Variants in CAMTA1 observed in about 807,000 individuals in gnomAD.
The protein encoded by CAMTA1 is calmodulin-binding transcription activator 1.
A neutral mutation model predicts 170.9 loss-of-function variants in CAMTA1; 27 were observed. The ratio of observed to expected loss-of-function variants is 0.16; its 90% CI spans 0.12 to 0.22. The LOEUF is 0.22. Among genes scored for constraint, CAMTA1 ranks in the 10% least tolerant of loss-of-function variants. CAMTA1 has a pLI of 1.00. For missense variants in CAMTA1, 1,619 were observed against 2,217.2 expected, an observed-to-expected ratio of 0.73 and a Z score of 5.42; for synonymous variants, 833 against 891.5, an observed-to-expected ratio of 0.93 and a Z score of 1.17.
At chr1:7,502,717 A>C (rs945166336) in intron 6 of CAMTA1, among the ~76,000 whole-genome samples, 1 of 152,208 alleles carries the variant, frequency 6.6e-6, no homozygotes, top group Non-Finnish European at 1.5e-5. Context: ...GACACTGAGC[A>C]CTGGAGGGGG....
chr1:7,690,132 CAGCCTAGGCAACAAG>C (rs60788107), intron 11 of CAMTA1, among the ~76,000 whole-genome samples: 2,318 of 152,340 alleles, frequency 0.015, 51 homozygotes, highest in African/African-American at 0.053. Context: ...CACTGCACTC[CAGCCTAGGCAACAAG>C]AGCGAAACTC....
At chr1:7,223,727 T>C (rs1661217595) in intron 4 of CAMTA1, among the ~76,000 whole-genome samples, 1 of 152,232 alleles carries the variant, frequency 6.6e-6, no homozygotes, top group South Asian at 2.1e-4. Flanking sequence ...GCCAGGCTTA[T>C]ATTTGCTAAG....
chr1:7,103,767 CACA>C (rs1379160060), intron 4 of CAMTA1, among the ~76,000 whole-genome samples: 2 of 151,710 alleles, frequency 1.3e-5, no homozygotes, highest in East Asian at 3.9e-4. Context: ...CACATGCACA[CACA>C]ACACACATAA....
intron 3 of CAMTA1, among the ~76,000 whole-genome samples, chr1:6,967,439 T>C (rs1254613527): frequency 6.6e-6 from 1 of 152,148 alleles, no homozygotes; most frequent in African/African-American, 2.4e-5. Context: ...CACCCGCGAA[T>C]GTGGCCTCAG....
At chr1:7,700,899 G>C (rs1204370580) in intron 11 of CAMTA1, 1 of 152,226 alleles carries the variant, frequency 6.6e-6, no homozygotes. Context: ...GAAATCAGTT[G>C]ATGTGGACTT....
intron 6 of CAMTA1, among the ~76,000 whole-genome samples, chr1:7,624,535 T>A (rs1472202509): frequency 6.6e-6 from 1 of 152,058 alleles, no homozygotes; most frequent in Non-Finnish European, 1.5e-5. Context: ...TCTGCCTTGG[T>A]GAAGGTGGAA....
At chr1:7,043,459 G>A (rs1704813900) in intron 3 of CAMTA1, among the ~76,000 whole-genome samples, 1 of 152,202 alleles carries the variant, frequency 6.6e-6, no homozygotes, top group Non-Finnish European at 1.5e-5. Context: ...AAAAGGAGAT[G>A]GTGCATGATG....
intron 1 of CAMTA1, among the ~76,000 whole-genome samples, chr1:6,801,967 G>GAT (rs1297773156): frequency 1.2e-4 from 18 of 152,188 alleles, no homozygotes. Flanking sequence ...TAAACACTAG[G>GAT]AAACAGATGG....
At chr1:6,993,257 G>A (rs1416111591) in intron 3 of CAMTA1, among the ~76,000 whole-genome samples, 1 of 152,030 alleles carries the variant, frequency 6.6e-6, no homozygotes, top group Non-Finnish European at 1.5e-5. Flanking sequence ...AAAACCTGCA[G>A]GTATTTTCAT....
At position 7,020,082 on chromosome 1, in the gene CAMTA1, A is replaced by G. The variant is rs534321049; in HGVS notation, c.235-71222A>G. Among the ~76,000 whole-genome samples, 575 of 152,374 alleles carry G rather than the reference A, an allele frequency of 3.8e-3. 1 individual carries two copies. Among genetic ancestry groups the G allele is most frequent in the Non-Finnish European group, 6.4e-3 (435 of 68,044 alleles). On this transcript the variant is annotated intron_variant, in intron 3 of 22. Coordinates refer to ENST00000303635, the MANE Select transcript of CAMTA1 (RefSeq NM_015215.4). Reference sequence around the variant, plus strand: ...TTCTCCAGGAGGGCCGTGATGGCACATTTGTGTCAATATTACCTGCAGAAG... The same window carrying G: ...TTCTCCAGGAGGGCCGTGATGGCACGTTTGTGTCAATATTACCTGCAGAAG...
intron 4 of CAMTA1, among the ~76,000 whole-genome samples, chr1:7,097,283 A>G (rs567282832): frequency 4.5e-4 from 69 of 152,344 alleles, no homozygotes; most frequent in African/African-American, 1.6e-3. Context: ...CAGGGAGGCC[A>G]GGGCTTTGAT....
intron 3 of CAMTA1, among the ~76,000 whole-genome samples, chr1:6,902,077 A>AAAAAAAAAAAT (rs1385758257): frequency 4.4e-4 from 31 of 70,910 alleles, no homozygotes; most frequent in African/African-American, 1.0e-3. Flanking sequence ...ACACACAAAA[A>AAAAAAAAAAAT]AAAAAATAAA....
intron 6 of CAMTA1, among the ~76,000 whole-genome samples, chr1:7,514,983 C>T (rs1008632560): frequency 6.6e-6 from 1 of 151,690 alleles, no homozygotes; most frequent in Admixed American, 6.6e-5. Flanking sequence ...TCCCTCCACC[C>T]AGGATCATCA....
intron 1 of CAMTA1, among the ~76,000 whole-genome samples, chr1:6,801,462 C>T (rs188100055): frequency 4.1e-4 from 63 of 152,194 alleles, no homozygotes; most frequent in Admixed American, 2.6e-3. Flanking sequence ...TGCCACAGTC[C>T]TGCCACTGAT....
At chr1:7,750,267 GA>G (rs1417151657) in intron 19 of CAMTA1, among the ~76,000 whole-genome samples, 2 of 152,228 alleles carry the variant, frequency 1.3e-5, no homozygotes, top group Admixed American at 1.3e-4. Context: ...ACAATTCTGA[GA>G]AGTCAGTTTC....
chr1:7,378,251 C>T (rs189054224), intron 5 of CAMTA1, among the ~76,000 whole-genome samples: 2 of 152,294 alleles, frequency 1.3e-5, no homozygotes, highest in East Asian at 1.9e-4. Context: ...AGAAGCCTGA[C>T]GGCCTTGTAT....
chr1:7,284,177 C>CTTCTTCTTCTTCTTCTTA (rs1333698169), intron 5 of CAMTA1, among the ~76,000 whole-genome samples: 6 of 99,314 alleles, frequency 6.0e-5, no homozygotes, highest in South Asian at 3.7e-4. Flanking sequence ...TCTTCTTCTT[C>CTTCTTCTTCTTCTTCTTA]TTATTATTAT....
chr1:7,085,064 A>G (rs576731432), intron 3 of CAMTA1, among the ~76,000 whole-genome samples: 1 of 152,356 alleles, frequency 6.6e-6, no homozygotes, highest in East Asian at 1.9e-4. Context: ...TACATGTGCC[A>G]TGGTGGCTTG....
intron 3 of CAMTA1, among the ~76,000 whole-genome samples, chr1:6,957,738 G>T (rs1437688094): frequency 6.6e-6 from 1 of 151,182 alleles, no homozygotes; most frequent in African/African-American, 2.5e-5. Context: ...CACATCTACA[G>T]TCTTAATTCC....
Sources: gnomAD v4.1 joint callset for allele counts (sites outside exome capture counted in the v4.1 genomes callset) on GRCh38, gnomAD v4.1.1 for gene constraint, MANE v1.5 for transcripts, NCBI Gene and HGNC (gene_info 2026-07-23, HGNC 2026-07-21) for gene names.